The following CFAP70 variants were observed in gnomAD, a reference collection of about 807,000 sequenced individuals.
CFAP70 encodes cilia- and flagella-associated protein 70.
In CFAP70, 81 loss-of-function variants were observed where a neutral mutation model predicts 137.6. The ratio of observed to expected loss-of-function variants is 0.59; its 90% CI spans 0.49 to 0.71. The LOEUF is 0.71. Ranked by LOEUF, CFAP70 falls within the 30% of genes least tolerant of loss-of-function variation. The probability of loss-of-function intolerance (pLI) is 0.00; values close to 1 mark genes in which losing one functional copy is unlikely to be tolerated. For synonymous variants in CFAP70, 382 were observed against 423.6 expected (o/e 0.90, Z 1.20); for missense variants, 976 against 1,226.7 (o/e 0.80, Z 3.05).
intron 8 of CFAP70, among the ~76,000 whole-genome samples, chr10:73,329,248 C>G (rs1354753239): frequency 1.3e-5 from 2 of 152,066 alleles, no homozygotes; most frequent in African/African-American, 4.8e-5. Context: ...GGACAAAAAA[C>G]CAAACACCGC....
chr10:73,298,776 C>T, intron 14 of CFAP70, 131 bp downstream of exon 15: 1 of 721,770 alleles, frequency 1.4e-6, no homozygotes, highest in South Asian at 1.9e-5. Flanking sequence ...TCATAGAGAA[C>T]TTAGCTCTTT....
intron 15 of CFAP70, chr10:73,295,863 A>T (rs1406283984): frequency 6.6e-6 from 1 of 152,000 alleles, no homozygotes; most frequent in East Asian, 1.9e-4. Context: ...AGCTCCCCAA[A>T]TCTCATCTCT....
At chr10:73,319,760 A>G (rs1288007121) in intron 9 of CFAP70, among the ~76,000 whole-genome samples, 1 of 152,200 alleles carries the variant, frequency 6.6e-6, no homozygotes, top group Non-Finnish European at 1.5e-5. Context: ...TAACATTATC[A>G]CACCTTTACC....
At chr10:73,312,537 T>A in exon 10 of CFAP70, 1 of 1,613,166 alleles carries the variant, frequency 6.2e-7, no homozygotes, top group Non-Finnish European at 8.5e-7. Context: ...TTCTTTCAGA[T>A]TCTTAGAAAC....
intron 19 of CFAP70, among the ~76,000 whole-genome samples, chr10:73,288,088 G>A (rs1483857497): frequency 6.6e-6 from 1 of 151,972 alleles, no homozygotes; most frequent in African/African-American, 2.4e-5. Context: ...AGTAGAGACG[G>A]GTTTCGCCAT....
chr10:73,305,400 C>G (rs181748307), intron 12 of CFAP70, among the ~76,000 whole-genome samples: 13 of 152,250 alleles, frequency 8.5e-5, no homozygotes, highest in Non-Finnish European at 1.8e-4. Flanking sequence ...CTGGGAAATT[C>G]AGAAAGCCAC....
intron 7 of CFAP70, 25 bp downstream of exon 8, chr10:73,335,405 C>G: frequency 6.6e-7 from 1 of 1,521,354 alleles, no homozygotes; most frequent in African/African-American, 1.4e-5. Flanking sequence ...GTGGGTTAGA[C>G]ATATGTCCTT....
intron 3 of CFAP70, among the ~76,000 whole-genome samples, chr10:73,352,530 G>T (rs1183555776): frequency 6.6e-6 from 1 of 152,092 alleles, no homozygotes; most frequent in Non-Finnish European, 1.5e-5. Flanking sequence ...ACCTTCTTCA[G>T]CAAGAAGTAT....
At chr10:73,339,209 C>G (rs7079748) in intron 6 of CFAP70, among the ~76,000 whole-genome samples, 1 of 152,048 alleles carries the variant, frequency 6.6e-6, no homozygotes, top group Admixed American at 6.5e-5. Flanking sequence ...TCAGCTACTC[C>G]GCCCAGCCGA....
chr10:73,351,119 TTTG>T (rs1200025218), intron 3 of CFAP70, among the ~76,000 whole-genome samples: 4 of 117,000 alleles, frequency 3.4e-5, no homozygotes, highest in African/African-American at 1.2e-4. Context: ...ATATGTATGT[TTTG>T]TTTTTTTTTT....
intron 3 of CFAP70, among the ~76,000 whole-genome samples, chr10:73,350,855 G>A (rs1166490327): frequency 6.6e-6 from 1 of 151,430 alleles, no homozygotes; most frequent in Non-Finnish European, 1.5e-5. Flanking sequence ...CTGCCTCGAG[G>A]GCTCAAGTGA....
chr10:73,259,250 A>C (rs2044877403), intron 25 of CFAP70, among the ~76,000 whole-genome samples: 1 of 152,172 alleles, frequency 6.6e-6, no homozygotes, highest in Non-Finnish European at 1.5e-5. Flanking sequence ...ACCTACATTG[A>C]AATATTGGGG....
rs1369672639 is a variant in CFAP70 at position 73,291,208 on chromosome 10, T to C, written c.2239+18A>G. The C allele has an allele frequency of 1.9e-6, 3 of 1,612,222 alleles. No individual in the cohort carries two copies. The highest frequency in any genetic ancestry group is 2.5e-6 in the Non-Finnish European group (3 of 1,178,430). On this transcript the variant is annotated intron_variant, in intron 19 of 26. Coordinates refer to ENST00000310715, the Ensembl canonical transcript of CFAP70. ...ATTTTTCTAATAGCCACTCTTCACC[T>C]CTATTCCCTGGCTCTACCTGCTGGG...
chr10:73,288,187 G>A (rs546923077), intron 19 of CFAP70, among the ~76,000 whole-genome samples: 329 of 152,142 alleles, frequency 2.2e-3, no homozygotes, highest in Non-Finnish European at 3.6e-3. Context: ...GTGAGCCACC[G>A]TGCCCGGCCA....
intron 9 of CFAP70, among the ~76,000 whole-genome samples, chr10:73,312,893 G>T (rs1020140674): frequency 6.6e-6 from 1 of 152,058 alleles, no homozygotes; most frequent in Non-Finnish European, 1.5e-5. Context: ...CTTGATTCTG[G>T]GATCTCATAA....
intron 9 of CFAP70, among the ~76,000 whole-genome samples, chr10:73,313,608 C>T (rs1031196532): frequency 1.3e-5 from 2 of 151,104 alleles, no homozygotes; most frequent in East Asian, 1.9e-4. Flanking sequence ...TTTAGGGGGC[C>T]GAGGCAGGCG....
At chr10:73,351,842 CCTT>C (rs1296306553) in intron 3 of CFAP70, among the ~76,000 whole-genome samples, 3 of 152,250 alleles carry the variant, frequency 2.0e-5, no homozygotes, top group African/African-American at 4.8e-5. Context: ...CTTACTTACA[CCTT>C]CTGTTTTCAG....
chr10:73,329,193 A>C (rs1411836642), intron 8 of CFAP70, among the ~76,000 whole-genome samples: 2 of 152,216 alleles, frequency 1.3e-5, no homozygotes, highest in East Asian at 3.8e-4. Context: ...CTTTGTAGGG[A>C]CATGGATGAA....
rs775551976 is a variant in CFAP70 at position 73,275,566 on chromosome 10, T to C, written c.2553A>G (p.Leu851=). Reference sequence around the variant, plus strand: ...CACAGCTGGGGCCTCCTTGAGGGCATAACAGCTCATGTGCAAGCACTCTGT... The same window carrying C: ...CACAGCTGGGGCCTCCTTGAGGGCACAACAGCTCATGTGCAAGCACTCTGT... Residue 851 remains leucine, a synonymous_variant, in exon 22 of 27, where the codon TTA becomes TTG. Transcript: ENST00000310715. This position sits in a 1 kb window ranked among gnomAD's most constrained non-coding sequence, Gnocchi z 4.0. 6.2e-7 allele frequency: 1 copy of C among 1,609,144 alleles called. No individual in the cohort carries two copies. Among genetic ancestry groups the C allele is most frequent in the East Asian group, 2.2e-5 (1 of 44,446 alleles).
Sources: gnomAD v4.1 joint callset for allele counts (sites outside exome capture counted in the v4.1 genomes callset) on GRCh38, gnomAD v4.1.1 for gene constraint, Gnocchi (gnomAD v3.1) non-coding constraint, MANE v1.5 for transcripts, NCBI Gene and HGNC (gene_info 2026-07-23, HGNC 2026-07-21) for gene names.